ETFB: variants seen among roughly 807,000 people sequenced by gnomAD.
The protein encoded by ETFB is beta-ETF.
A neutral mutation model predicts 25.6 loss-of-function variants in ETFB; 20 were observed. That is an observed-to-expected ratio of 0.78 (90% confidence interval 0.55 to 1.14). The LOEUF (loss-of-function observed/expected upper bound fraction) is 1.14. ETFB is among the 50% of genes most tolerant of loss of function. ETFB has a pLI of 0.00. For synonymous variants in ETFB, 142 were observed against 146.7 expected (o/e 0.97, Z 0.23); for missense variants, 286 against 342.6 (o/e 0.83, Z 1.30).
At chr19:51,346,773 T>G in intron 5 of ETFB, 127 bp downstream of exon 5, 1 of 909,502 alleles carries the variant, frequency 1.1e-6, no homozygotes, top group Admixed American at 2.4e-5. Flanking sequence ...AAACTCCAGG[T>G]GACGGCTTCC....
intron 3 of ETFB, among the ~76,000 whole-genome samples, chr19:51,350,793 G>A (rs1280212116): frequency 6.6e-6 from 1 of 152,190 alleles, no homozygotes; most frequent in African/African-American, 2.4e-5. Flanking sequence ...CTTTTCTATG[G>A]TGGAACAGAT....
At chr19:51,361,075 G>A (rs1007540722) in intron 1 of ETFB, among the ~76,000 whole-genome samples, 16 of 151,926 alleles carry the variant, frequency 1.1e-4, no homozygotes, top group African/African-American at 3.1e-4. Context: ...GTGGGCCACC[G>A]CGCCCGGCCC....
chr19:51,365,849 T>C (rs1180220342), intron 1 of ETFB, among the ~76,000 whole-genome samples: 2 of 152,142 alleles, frequency 1.3e-5, no homozygotes, highest in Non-Finnish European at 2.9e-5. Context: ...TTTCGGGTAA[T>C]ATAAGAGTAC....
intron 5 of ETFB, chr19:51,346,539 G>A (rs775193144): frequency 6.0e-5 from 16 of 267,620 alleles, no homozygotes; most frequent in Non-Finnish European, 1.1e-4. Context: ...GATCTACATG[G>A]TAACTTCACA....
chr19:51,356,479 C>A (rs1986083121), intron 1 of ETFB: 1 of 152,156 alleles, frequency 6.6e-6, no homozygotes. Context: ...TTGGAAAACA[C>A]CAGCATGAAA....
At chr19:51,354,641 T>C (rs1405873234) in intron 1 of ETFB, 2 of 1,613,002 alleles carry the variant, frequency 1.2e-6, no homozygotes, top group South Asian at 1.1e-5. Flanking sequence ...AGGTACATTT[T>C]ACTGTATCTC....
At chr19:51,356,410 T>G (rs1322224002) in intron 1 of ETFB, 1 of 152,168 alleles carries the variant, frequency 6.6e-6, no homozygotes, top group Non-Finnish European at 1.5e-5. Flanking sequence ...TCTACCCTTT[T>G]TCGGAAAAAT....
At chr19:51,365,081 C>T (rs1755276100) in intron 1 of ETFB, 1 of 152,170 alleles carries the variant, frequency 6.6e-6, no homozygotes, top group African/African-American at 2.4e-5. Context: ...GTAATCCCAG[C>T]TACCTGGGAG....
chr19:51,349,813 G>A (rs957088974), intron 4 of ETFB, among the ~76,000 whole-genome samples: 1 of 151,046 alleles, frequency 6.6e-6, no homozygotes, highest in Admixed American at 6.6e-5. Flanking sequence ...AGTGGCGTGC[G>A]ATCTTGCCTC....
intron 1 of ETFB, among the ~76,000 whole-genome samples, chr19:51,358,942 T>C (rs1270296585): frequency 6.6e-6 from 1 of 151,498 alleles, no homozygotes; most frequent in African/African-American, 2.4e-5. Context: ...AAGGGTGCAG[T>C]GAGCCGTGAT....
rs571180699 is a variant in ETFB at position 51,360,774 on chromosome 19, C to G, written c.57+5496G>C. On this transcript the variant is annotated intron_variant, in intron 1 of 5. Coordinates refer to ENST00000309244, the MANE Select transcript of ETFB (RefSeq NM_001985.3). ...CTCTTTTCTTTCTCTCTTTCTCTCT[C>G]TCTCTCTCTCTCTCTTTCTCTTTCT... Among the ~76,000 whole-genome samples the G allele has an allele frequency of 4.4e-3, 671 of 151,882 alleles. 7 individuals carry two copies. Among genetic ancestry groups the G allele is most frequent in the African/African-American group, 0.016 (650 of 41,468 alleles).
chr19:51,359,462 A>G (rs1005478943), intron 1 of ETFB, among the ~76,000 whole-genome samples: 4 of 151,894 alleles, frequency 2.6e-5, no homozygotes, highest in African/African-American at 9.7e-5. Context: ...GCTGTGAGTC[A>G]GGGAGGCTTC....
At chr19:51,364,434 G>A (rs1293714601) in intron 1 of ETFB, among the ~76,000 whole-genome samples, 3 of 152,144 alleles carry the variant, frequency 2.0e-5, no homozygotes, top group South Asian at 2.1e-4. Flanking sequence ...CGGCCTTCAC[G>A]CTTCCCCTCT....
chr19:51,366,341 C>T lies in ETFB; in HGVS notation c.-15G>A. On this transcript the variant is annotated 5_prime_UTR_variant, in exon 1 of 6. Transcript: ENST00000309244. ...AGCTCCGCCATCTTCCCGCCGCAGC[C>T]ACTTACAGGGTCAGCCCGCACCCTC... The T allele has an allele frequency of 1.2e-6, 2 of 1,612,354 alleles. No homozygotes were observed. The highest frequency in any genetic ancestry group is 1.1e-5 in the South Asian group (1 of 90,944).
At chr19:51,358,069 TA>T (rs1442669017) in intron 1 of ETFB, among the ~76,000 whole-genome samples, 2 of 152,150 alleles carry the variant, frequency 1.3e-5, no homozygotes, top group African/African-American at 4.8e-5. Context: ...CACAAATTTT[TA>T]AAAAGCCTCC....
At chr19:51,364,181 A>G (rs1027732043) in intron 1 of ETFB, among the ~76,000 whole-genome samples, 1 of 151,834 alleles carries the variant, frequency 6.6e-6, no homozygotes, top group Non-Finnish European at 1.5e-5. Context: ...TGACACCAAG[A>G]GACAATAGGG....
At chr19:51,351,210 A>G (rs1985925893) in intron 3 of ETFB, among the ~76,000 whole-genome samples, 1 of 152,230 alleles carries the variant, frequency 6.6e-6, no homozygotes, top group South Asian at 2.1e-4. Context: ...CTCAAGCTGC[A>G]CCAAAGAAGA....
chr19:51,354,658 T>C, intron 1 of ETFB: 1 of 1,611,956 alleles, frequency 6.2e-7, no homozygotes, highest in Non-Finnish European at 8.5e-7. Flanking sequence ...TCTCCAAGTG[T>C]ATATAAATAC....
At chr19:51,354,790 A>G (rs1986036519) in intron 1 of ETFB, 4 of 819,348 alleles carry the variant, frequency 4.9e-6, no homozygotes, top group Non-Finnish European at 5.8e-6. Flanking sequence ...AGGCAACAAT[A>G]GAGCAGCCTG....
Sources: allele counts gnomAD v4.1 joint callset (sites outside exome capture counted in the v4.1 genomes callset), GRCh38; gene constraint gnomAD v4.1.1; transcripts MANE v1.5; gene names NCBI Gene and HGNC (gene_info 2026-07-23, HGNC 2026-07-21).